GRIK4: variants seen among roughly 807,000 people sequenced by gnomAD.
GRIK4 encodes the protein glutamate receptor ionotropic, kainate 4.
A neutral mutation model predicts 104.9 loss-of-function variants in GRIK4; 40 were observed. That is an observed-to-expected ratio of 0.38 (90% CI 0.30 to 0.50). The LOEUF (loss-of-function observed/expected upper bound fraction) is 0.50. GRIK4 is among the 20% of genes least tolerant of loss of function. GRIK4 has a pLI of 0.93. For synonymous variants in GRIK4, 485 were observed against 524.9 expected (o/e 0.92, Z 1.04); for missense variants, 1,047 against 1,308.1 (o/e 0.80, Z 3.08).
At position 120,886,546 on chromosome 11, in the gene GRIK4, A is replaced by AT. The variant is rs1251702714; in HGVS notation, c.1164+11305dup. On this transcript the variant is annotated intron_variant, in intron 11 of 20. Coordinates refer to ENST00000527524, the MANE Select transcript of GRIK4 (RefSeq NM_014619.5). Reference sequence around the variant, plus strand: ...ACATGTAAAACAAAGTGATTGATTGATTGAAGAAAGCACCATGACCAGAGG... The same window carrying AT: ...ACATGTAAAACAAAGTGATTGATTGATTTGAAGAAAGCACCATGACCAGAGG... 5.9e-5 allele frequency among the ~76,000 whole-genome samples: 9 copies of AT among 152,352 alleles called. No homozygotes were observed. In the East Asian group the frequency reaches 1.7e-3, roughly 29 times the overall value.
intron 1 of GRIK4, among the ~76,000 whole-genome samples, chr11:120,631,145 T>TAGCA (rs1333681445): frequency 6.6e-5 from 10 of 152,396 alleles, no homozygotes; most frequent in African/African-American, 2.4e-4. Context: ...GTCCGGCTGC[T>TAGCA]ACGCAGCACT....
rs1947682971 is a variant in GRIK4 at position 120,513,100 on chromosome 11, T to C, written c.-159+1213T>C. ...CTCCTGGGCATGTCTCCCAAGGGTC[T>C]GGGTTGTCTGGGAAGAGGAGGGGAG... On this transcript the variant is annotated intron_variant, in intron 1 of 20. Transcript: ENST00000527524. This position sits in a 1 kb window ranked among gnomAD's most constrained non-coding sequence, Gnocchi z 4.5. Among the ~76,000 whole-genome samples, 1 of 151,940 alleles carries C rather than the reference T, an allele frequency of 6.6e-6. No individual in the cohort carries two copies. The highest frequency in any genetic ancestry group is 1.5e-5 in the Non-Finnish European group (1 of 67,964).
chr11:120,696,210 G>A (rs534648920), intron 3 of GRIK4, among the ~76,000 whole-genome samples: 1 of 152,316 alleles, frequency 6.6e-6, no homozygotes, highest in South Asian at 2.1e-4. Flanking sequence ...CCCTGGGAGT[G>A]CAGAGCGAGA....
intron 1 of GRIK4, among the ~76,000 whole-genome samples, chr11:120,579,825 T>C (rs1295963147): frequency 6.6e-6 from 1 of 152,190 alleles, no homozygotes; most frequent in African/African-American, 2.4e-5. Flanking sequence ...AAGTCCTGAG[T>C]TGTGTAACCA....
intron 9 of GRIK4, chr11:120,869,556 A>C (rs1213988867): frequency 2.0e-5 from 3 of 152,340 alleles, no homozygotes; most frequent in Non-Finnish European, 4.4e-5. Context: ...CAGCATCCAC[A>C]TCATGTGCTA....
rs1942759538 is a variant in GRIK4 at position 120,902,322 on chromosome 11, C to T, written c.1273-2968C>T. On this transcript the variant is annotated intron_variant, in intron 12 of 20. Coordinates refer to ENST00000527524, the MANE Select transcript of GRIK4 (RefSeq NM_014619.5). This position sits in a 1 kb window ranked among gnomAD's most constrained non-coding sequence, Gnocchi z 4.5. ...CTGCTCCAGGCTAGCACTCAACACC[C>T]CAGCATTCTCCAAGGTGCCAGTGAG... 6.6e-6 allele frequency among the ~76,000 whole-genome samples: 1 copy of T among 152,176 alleles called. No homozygotes were observed.
chr11:120,538,064 T>C (rs1947996852), intron 1 of GRIK4, among the ~76,000 whole-genome samples: 1 of 152,244 alleles, frequency 6.6e-6, no homozygotes, highest in Non-Finnish European at 1.5e-5. Context: ...AGCCACAGAC[T>C]TTCTTATATT....
chr11:120,736,555 T>C (rs1331904541), intron 3 of GRIK4, among the ~76,000 whole-genome samples: 3 of 152,188 alleles, frequency 2.0e-5, no homozygotes, highest in Non-Finnish European at 4.4e-5. Context: ...AGTATTGTTA[T>C]TGTTATTCTG....
intron 3 of GRIK4, among the ~76,000 whole-genome samples, chr11:120,755,940 C>T (rs1951644029): frequency 6.6e-6 from 1 of 152,094 alleles, no homozygotes; most frequent in Admixed American, 6.5e-5. Flanking sequence ...AAGTGACTTG[C>T]CCAGAGTGAC....
chr11:120,829,677 C>T (rs1204435657), intron 6 of GRIK4, among the ~76,000 whole-genome samples: 35 of 152,214 alleles, frequency 2.3e-4, no homozygotes, highest in Admixed American at 2.2e-3. Flanking sequence ...TCCCACTTCC[C>T]GGCAGCCTTT....
At chr11:120,784,688 T>A (rs1816128554) in intron 3 of GRIK4, among the ~76,000 whole-genome samples, 1 of 152,060 alleles carries the variant, frequency 6.6e-6, no homozygotes, top group African/African-American at 2.4e-5. Flanking sequence ...TGGAGTGATG[T>A]TTGCCCAGGG....
At position 120,580,899 on chromosome 11, in the gene GRIK4, C is replaced by T. The variant is rs1948573105; in HGVS notation, c.-159+69012C>T. Among the ~76,000 whole-genome samples, 4 of 152,284 alleles carry T rather than the reference C, an allele frequency of 2.6e-5. No individual in the cohort carries two copies. In the South Asian group the frequency reaches 8.3e-4, roughly 32 times the overall value. Reference sequence around the variant, plus strand: ...TTCCTATCACCAACGCATGAGAGTTCCAGTTGCTTTGCATCCTCACTAGTA... The same window carrying T: ...TTCCTATCACCAACGCATGAGAGTTTCAGTTGCTTTGCATCCTCACTAGTA... On this transcript the variant is annotated intron_variant, in intron 1 of 20. Transcript: ENST00000527524.
chr11:120,788,478 T>C (rs565732433), intron 3 of GRIK4, among the ~76,000 whole-genome samples: 2 of 152,294 alleles, frequency 1.3e-5, no homozygotes, highest in South Asian at 4.2e-4. Flanking sequence ...GTTTAGCCCA[T>C]GGCCTCCTGA....
chr11:120,547,886 G>A (rs1005355391), intron 1 of GRIK4, among the ~76,000 whole-genome samples: 3 of 152,190 alleles, frequency 2.0e-5, no homozygotes, highest in African/African-American at 4.8e-5. Context: ...ACTCATTAGC[G>A]GGATAAATAT....
chr11:120,947,766 G>A (rs563614286), intron 14 of GRIK4, among the ~76,000 whole-genome samples: 6 of 152,186 alleles, frequency 3.9e-5, no homozygotes, highest in African/African-American at 7.2e-5. Flanking sequence ...TCTTCATGTG[G>A]ATTAAGGTGC....
intron 3 of GRIK4, among the ~76,000 whole-genome samples, chr11:120,776,104 G>C (rs1316562355): frequency 6.6e-6 from 1 of 152,220 alleles, no homozygotes; most frequent in Non-Finnish European, 1.5e-5. Flanking sequence ...GCCTCCCAGT[G>C]TTGTGCCAAT....
At chr11:120,616,857 G>A (rs1949123338) in intron 1 of GRIK4, among the ~76,000 whole-genome samples, 1 of 152,208 alleles carries the variant, frequency 6.6e-6, no homozygotes, top group Non-Finnish European at 1.5e-5. Flanking sequence ...CTGTACAAGT[G>A]ATTCCAGTGC....
Position 120,980,620 on chromosome 11 carries a change from C to T in GRIK4, c.2396-1486C>T, listed in dbSNP as rs149628850. Among the ~76,000 whole-genome samples the T allele has an allele frequency of 1.1e-3, 165 of 152,160 alleles. 1 individual carries two copies. The highest frequency in any genetic ancestry group is 3.8e-3 in the African/African-American group (156 of 41,512). The stretch of plus-strand genomic sequence containing the variant: ...TATAGGTGTTTTAAGGGCTTTTTGC[C>T]CATTTAAGCACCTTCCCCCTGGAAG... On this transcript the variant is annotated intron_variant, in intron 19 of 20. Coordinates refer to ENST00000527524, the MANE Select transcript of GRIK4 (RefSeq NM_014619.5).
intron 1 of GRIK4, among the ~76,000 whole-genome samples, chr11:120,585,187 T>C (rs1948643331): frequency 6.6e-6 from 1 of 152,240 alleles, no homozygotes; most frequent in Admixed American, 6.5e-5. Flanking sequence ...TACCCCACTT[T>C]GTTTATCCAT....
Sources: allele counts gnomAD v4.1 joint callset (sites outside exome capture counted in the v4.1 genomes callset), GRCh38; gene constraint gnomAD v4.1.1; non-coding constraint Gnocchi (gnomAD v3.1); transcripts MANE v1.5; gene names NCBI Gene and HGNC (gene_info 2026-07-23, HGNC 2026-07-21).